The following SOX6 variants were observed in gnomAD, a reference collection of about 807,000 sequenced individuals.
SOX6 encodes the protein SRY-box transcription factor 6.
SOX6 carries 11 observed loss-of-function variants against 97.8 expected under a neutral mutation model. That is an observed-to-expected ratio of 0.11 (90% CI 0.07 to 0.19). SOX6 has a LOEUF of 0.19. Ranked by LOEUF, SOX6 falls within the 10% of genes least tolerant of loss-of-function variation. SOX6 has a pLI of 1.00. For synonymous variants in SOX6, 360 were observed against 371.4 expected (o/e 0.97, Z 0.35); for missense variants, 810 against 1,039.5 (o/e 0.78, Z 3.04).
At chr11:16,734,309 C>G (rs1463544398) in intron 2 of SOX6, among the ~76,000 whole-genome samples, 1 of 152,040 alleles carries the variant, frequency 6.6e-6, no homozygotes, top group African/African-American at 2.4e-5. Context: ...TGTGTTAGAC[C>G]CTAGAGTTGC....
chr11:16,046,838 G>A (rs1411174504), intron 11 of SOX6, 137 bp from the exon 12 acceptor site: 4 of 896,458 alleles, frequency 4.5e-6, no homozygotes, highest in Admixed American at 2.1e-5. Context: ...TAAACTATAC[G>A]CTAATATACA....
At chr11:16,597,097 AAGTT>A (rs1848220304) in intron 4 of SOX6, among the ~76,000 whole-genome samples, 1 of 152,196 alleles carries the variant, frequency 6.6e-6, no homozygotes, top group Non-Finnish European at 1.5e-5. Context: ...ATCAAGTAGA[AAGTT>A]AGTATGGCTG....
At chr11:16,063,296 C>A (rs1037212564) in intron 9 of SOX6, among the ~76,000 whole-genome samples, 6 of 150,926 alleles carry the variant, frequency 4.0e-5, no homozygotes, top group African/African-American at 1.2e-4. Flanking sequence ...ACCAATCAGA[C>A]TCAGCCTCAT....
chr11:16,326,131 T>C (rs899566400), intron 2 of SOX6, among the ~76,000 whole-genome samples: 1 of 152,238 alleles, frequency 6.6e-6, no homozygotes, highest in Non-Finnish European at 1.5e-5. Context: ...CATTGTTTAC[T>C]GTTTGCTCTC....
At chr11:16,609,972 G>A (rs754108088) in intron 4 of SOX6, among the ~76,000 whole-genome samples, 9 of 152,166 alleles carry the variant, frequency 5.9e-5, no homozygotes, top group Non-Finnish European at 1.3e-4. Flanking sequence ...TGTACACCCT[G>A]GTACCTTGCT....
At chr11:16,429,687 G>GT (rs1396260787) in intron 1 of SOX6, among the ~76,000 whole-genome samples, 1 of 152,088 alleles carries the variant, frequency 6.6e-6, no homozygotes, top group Non-Finnish European at 1.5e-5. Context: ...AGGGTGGAGG[G>GT]TAGAAGAAGG....
chr11:16,074,273 A>G (rs1390250015), intron 9 of SOX6, among the ~76,000 whole-genome samples: 2 of 152,160 alleles, frequency 1.3e-5, no homozygotes, highest in African/African-American at 4.8e-5. Context: ...ACCACTGATG[A>G]TACAAAATAG....
intron 3 of SOX6, among the ~76,000 whole-genome samples, chr11:16,710,848 C>T (rs1848174021): frequency 1.3e-5 from 2 of 152,150 alleles, no homozygotes; most frequent in Admixed American, 6.5e-5. Context: ...ATCTCAAAAA[C>T]ATTATAAATT....
At chr11:16,666,751 G>A (rs140021117) in intron 3 of SOX6, among the ~76,000 whole-genome samples, 7 of 151,410 alleles carry the variant, frequency 4.6e-5, no homozygotes, top group East Asian at 3.9e-4. Context: ...AACCGAGATC[G>A]TGCCACTGCA....
chr11:16,418,936 T>G (rs1426917465), intron 1 of SOX6, among the ~76,000 whole-genome samples: 2 of 152,152 alleles, frequency 1.3e-5, no homozygotes, highest in African/African-American at 4.8e-5. Context: ...CTCTGAACAG[T>G]AGAGGCAGTC....
intron 3 of SOX6, among the ~76,000 whole-genome samples, chr11:16,618,266 G>A (rs983704125): frequency 4.6e-5 from 7 of 151,754 alleles, no homozygotes; most frequent in African/African-American, 1.7e-4. Context: ...ATTTCAATAT[G>A]GAATATGCCC....
In SOX6 at chr11:16,252,663, T is replaced by C. The variant is rs1853549723; in HGVS notation, c.446-17992A>G. On this transcript the variant is annotated intron_variant, in intron 3 of 15. Coordinates refer to ENST00000683767, the MANE Select transcript of SOX6 (RefSeq NM_001367873.1). The stretch of plus-strand genomic sequence containing the variant: ...ACAACATTCTGTTCTTTTTAACAAG[T>C]CCTGCCTTCAGGAAAAACGATTTTT... The C allele has an allele frequency of 2.6e-5, 4 of 152,170 alleles. 1 individual carries two copies. Among genetic ancestry groups the C allele is most frequent in the Admixed American group, 1.3e-4 (2 of 15,254 alleles). The allele number at this position is 152,170 out of a possible 1,614,324, so 9.4% of individuals were successfully genotyped here.
intron 4 of SOX6, among the ~76,000 whole-genome samples, chr11:16,532,122 G>A (rs529466606): frequency 2.1e-4 from 32 of 151,730 alleles, no homozygotes; most frequent in African/African-American, 6.8e-4. Flanking sequence ...TTATCCATTC[G>A]TAACTAGCAT....
upstream of SOX6, among the ~76,000 whole-genome samples, chr11:16,479,129 C>T (rs1236486193): frequency 6.6e-6 from 1 of 152,200 alleles, no homozygotes; most frequent in Non-Finnish European, 1.5e-5. Context: ...GTCTATTACA[C>T]ATCTGACCAT....
intron 4 of SOX6, among the ~76,000 whole-genome samples, chr11:16,532,517 A>G (rs1229943681): frequency 6.6e-6 from 1 of 151,936 alleles, no homozygotes; most frequent in Admixed American, 6.6e-5. Context: ...ATAAAAGAAA[A>G]CTGGTTTCTT....
At chr11:16,054,652 T>C (rs1364686362) in intron 10 of SOX6, among the ~76,000 whole-genome samples, 1 of 152,176 alleles carries the variant, frequency 6.6e-6, no homozygotes, top group African/African-American at 2.4e-5. Context: ...TTATATAGCA[T>C]CCAATGATTA....
chr11:16,278,141 G>A lies in SOX6; in HGVS notation c.445+40305C>T, dbSNP rs556944747. Among the ~76,000 whole-genome samples, 11 of 152,132 alleles carry A rather than the reference G, an allele frequency of 7.2e-5. No homozygotes were observed. The South Asian group carries it at 1.9e-3, about 26-fold the overall frequency. ...TTACCTTATCTCAACCATTTAAAGA[G>A]GAAAAACTGACTTTCCTCTTTTGCT... On this transcript the variant is annotated intron_variant, in intron 3 of 15. Coordinates refer to ENST00000683767, the MANE Select transcript of SOX6 (RefSeq NM_001367873.1).
chr11:16,143,399 G>T (rs1208304297), intron 6 of SOX6, among the ~76,000 whole-genome samples: 1 of 152,140 alleles, frequency 6.6e-6, no homozygotes. Flanking sequence ...GCAAAAACAT[G>T]CCAAATTGTA....
chr11:16,014,920 G>A, intron 13 of SOX6, 22 bp downstream of exon 13: 1 of 1,600,096 alleles, frequency 6.2e-7, no homozygotes, highest in Non-Finnish European at 8.6e-7. Flanking sequence ...CAGCAGAAAA[G>A]AACTAGAGAA....
Sources: gnomAD v4.1 joint callset for allele counts (sites outside exome capture counted in the v4.1 genomes callset) on GRCh38, gnomAD v4.1.1 for gene constraint, MANE v1.5 for transcripts, NCBI Gene and HGNC (gene_info 2026-07-23, HGNC 2026-07-21) for gene names.